UTP4: variants seen among roughly 807,000 people sequenced by gnomAD.
UTP4 encodes U3 small nucleolar RNA-associated protein 4 homolog.
In UTP4, 45 loss-of-function variants were observed where a neutral mutation model predicts 82.4. That is an observed-to-expected ratio of 0.55 (90% confidence interval 0.43 to 0.70). The LOEUF is 0.70. Ranked by LOEUF, UTP4 falls within the 30% of genes least tolerant of loss-of-function variation. UTP4 has a pLI of 0.00. For missense variants in UTP4, 819 were observed against 858.3 expected (o/e 0.95, Z 0.57); for synonymous variants, 348 against 300.3 (o/e 1.16, Z -1.64).
At chr16:69,137,003 A>AT (rs1962830744) in intron 3 of UTP4, 116 bp downstream of exon 3, 1 of 882,808 alleles carries the variant, frequency 1.1e-6, no homozygotes, top group African/African-American at 1.6e-5. Flanking sequence ...AACCCCAACT[A>AT]TAAGATTGGA....
chr16:69,145,068 G>A (rs1022765807), intron 6 of UTP4, among the ~76,000 whole-genome samples: 39 of 151,922 alleles, frequency 2.6e-4, no homozygotes, highest in African/African-American at 9.4e-4. Context: ...CTTGAACCCG[G>A]GAGTCGGAGG....
At chr16:69,148,611 T>A (rs1444880519) in intron 6 of UTP4, among the ~76,000 whole-genome samples, 1 of 150,556 alleles carries the variant, frequency 6.6e-6, no homozygotes, top group Admixed American at 6.6e-5. Context: ...ATATCTTCAT[T>A]ACTTTTTTTT....
chr16:69,151,114 C>A (rs573014186), intron 8 of UTP4, among the ~76,000 whole-genome samples: 17 of 151,664 alleles, frequency 1.1e-4, no homozygotes, highest in African/African-American at 4.1e-4. Flanking sequence ...TCAAGCGATT[C>A]TCCTGCCTCA....
rs775927191 is a variant in UTP4, at chr16:69,143,292, C to T, written c.641C>T (p.Ser214Phe). The change falls in exon 6 of 17, where the codon TCT becomes TTT. Residue 214 changes from serine to phenylalanine, a missense_variant. Physicochemically the swap from Ser to Phe is radical, Grantham distance 155. Transcript: ENST00000314423. ...GATGGCACTATCATAAGTGTGGACT[C>T]TGCTGGGAAGGTGCAGTTCTGGGAC... ...LSDGTIISVD[S>F]AGKVQFWDSA... The T allele has an allele frequency of 6.2e-7, 1 of 1,614,188 alleles. No homozygotes were observed. Among genetic ancestry groups the T allele is most frequent in the Non-Finnish European group, 8.5e-7 (1 of 1,180,038 alleles).
rs540842440 is a variant in UTP4 at position 69,154,159 on chromosome 16, A to G, written c.1100-234A>G. Among the ~76,000 whole-genome samples the G allele has an allele frequency of 3.3e-5, 5 of 152,260 alleles. No homozygotes were observed. The South Asian group carries it at 6.2e-4, about 19-fold the overall frequency. ...ACAAACTCCACCTGTGTCCCTGGCTATGGACTAGAGCTTCAGGGAATTAGT... is the reference window on the plus strand; with the variant it reads ...ACAAACTCCACCTGTGTCCCTGGCTGTGGACTAGAGCTTCAGGGAATTAGT... On this transcript the variant is annotated intron_variant, in intron 9 of 16. Coordinates refer to ENST00000314423, the MANE Select transcript of UTP4 (RefSeq NM_032830.3).
At chr16:69,152,840 T>C (rs1213068648) in intron 8 of UTP4, among the ~76,000 whole-genome samples, 1 of 152,102 alleles carries the variant, frequency 6.6e-6, no homozygotes, top group Non-Finnish European at 1.5e-5. Context: ...CCCAGGCCAG[T>C]CTCAAACTCC....
intron 5 of UTP4, among the ~76,000 whole-genome samples, chr16:69,141,237 T>C (rs1310989981): frequency 2.6e-5 from 4 of 152,226 alleles, no homozygotes; most frequent in Non-Finnish European, 5.9e-5. Flanking sequence ...CTCTGATTGA[T>C]TTTTCCATTG....
chr16:69,168,150 A>G (rs1362931155), intron 16 of UTP4, among the ~76,000 whole-genome samples: 1 of 152,132 alleles, frequency 6.6e-6, no homozygotes, highest in Non-Finnish European at 1.5e-5. Flanking sequence ...AAAGCTCCCA[A>G]TCTTGGCCGG....
intron 14 of UTP4, among the ~76,000 whole-genome samples, chr16:69,164,019 G>A (rs1177004477): frequency 1.3e-5 from 2 of 151,544 alleles, no homozygotes; most frequent in African/African-American, 4.9e-5. Flanking sequence ...CCGAGTAGCT[G>A]GACTACAGGC....
intron 6 of UTP4, among the ~76,000 whole-genome samples, chr16:69,146,953 G>C (rs1180761885): frequency 6.9e-6 from 1 of 144,632 alleles, no homozygotes; most frequent in Admixed American, 7.0e-5. Flanking sequence ...CATTGAGTGC[G>C]ATCGCGCCAC....
At chr16:69,163,326 G>T in intron 14 of UTP4, 148 bp downstream of exon 14, 2 of 698,966 alleles carry the variant, frequency 2.9e-6, no homozygotes, top group East Asian at 2.7e-5. Flanking sequence ...CTTCCTTGCC[G>T]GTCTGGGCTC....
At chr16:69,139,416 A>G (rs909886722) in intron 4 of UTP4, among the ~76,000 whole-genome samples, 1 of 151,690 alleles carries the variant, frequency 6.6e-6, no homozygotes, top group Non-Finnish European at 1.5e-5. Flanking sequence ...AGGCGGGTGG[A>G]TCACTTGAGG....
At chr16:69,167,408 A>G (rs974478510) in intron 16 of UTP4, 3 of 536,542 alleles carry the variant, frequency 5.6e-6, no homozygotes, top group Admixed American at 3.1e-5. Context: ...CCAAAATGAA[A>G]TGCGTAAGTA....
Position 69,143,333 on chromosome 16 carries a change from C to G in UTP4, c.682C>G (p.Leu228Val), listed in dbSNP as rs1452793479. Residue 228 changes from leucine to valine, a missense_variant, in exon 6 of 17, where the codon CTT (leucine) becomes GTT (valine). Leu to Val is a conservative substitution (Grantham distance 32, BLOSUM62 1). Transcript: ENST00000314423. ...GTTCTGGGACTCAGCCACTGGGACG[C>G]TTGTGAAGAGCCATCTCATCGCTAA... ...VQFWDSATGT[L>V]VKSHLIANAD... 3 of 1,614,040 alleles carry G rather than the reference C, an allele frequency of 1.9e-6. No individual in the cohort carries two copies. Among genetic ancestry groups the G allele is most frequent in the Non-Finnish European group, 2.5e-6 (3 of 1,180,044 alleles).
At chr16:69,156,405 C>T (rs2152281972) in intron 11 of UTP4, among the ~76,000 whole-genome samples, 1 of 151,258 alleles carries the variant, frequency 6.6e-6, no homozygotes. Context: ...GATTCACCCG[C>T]CTCAGCCTCC....
chr16:69,165,981 A>G (rs898824505), intron 15 of UTP4: 36 of 276,252 alleles, frequency 1.3e-4, no homozygotes, highest in Non-Finnish European at 2.1e-5. Flanking sequence ...CGCTAAAGCT[A>G]CTAAAACGCT....
At chr16:69,164,127 G>A (rs562648700) in intron 14 of UTP4, among the ~76,000 whole-genome samples, 30 of 151,850 alleles carry the variant, frequency 2.0e-4, no homozygotes, top group African/African-American at 6.0e-4. Context: ...CTTGTGATCC[G>A]CCCGCCTCGG....
chr16:69,162,935 T>TG (rs1963601379), intron 13 of UTP4, 148 bp from the exon 14 acceptor site: 2 of 730,226 alleles, frequency 2.7e-6, no homozygotes, highest in Non-Finnish European at 5.0e-6. Flanking sequence ...GTTCATTGGT[T>TG]GGGGAAATGC....
rs142362164 is a variant in UTP4 at position 69,157,277 on chromosome 16, G to C, written c.1444+37G>C. The C allele has an allele frequency of 3.1e-6, 5 of 1,609,348 alleles. No homozygotes were observed. The South Asian group carries it at 3.3e-5, about 11-fold the overall frequency. On this transcript the variant is annotated intron_variant, in intron 12 of 16. Coordinates refer to ENST00000314423, the MANE Select transcript of UTP4 (RefSeq NM_032830.3). ...GTAACTGGCCATGGGGAGACTTGTC[G>C]TGTCTAAGATGTAACTTTTTTGCTT...
Sources: allele counts gnomAD v4.1 joint callset (sites outside exome capture counted in the v4.1 genomes callset), GRCh38; gene constraint gnomAD v4.1.1; transcripts MANE v1.5; gene names NCBI Gene and HGNC (gene_info 2026-07-23, HGNC 2026-07-21).